Variants in AR observed in about 807,000 individuals in gnomAD.
The protein encoded by AR is dihydrotestosterone receptor.
In AR, 8 loss-of-function variants were observed where a neutral mutation model predicts 53.9. The ratio of observed to expected loss-of-function variants is 0.15; its 90% CI spans 0.09 to 0.27. The LOEUF (loss-of-function observed/expected upper bound fraction) is 0.27, where lower values mean the gene tolerates loss of function less well. AR is among the 10% of genes least tolerant of loss of function. AR has a pLI of 1.00. For missense variants in AR, 639 were observed against 742.5 expected, an observed-to-expected ratio of 0.86 and a Z score of 1.62; for synonymous variants, 359 against 316.4, an observed-to-expected ratio of 1.13 and a Z score of -1.43.
chrX:67,659,814 A>T (rs1926788599), intron 2 of AR, among the ~76,000 whole-genome samples: 1 of 111,727 alleles, frequency 9.0e-6, no homozygotes, highest in Non-Finnish European at 1.9e-5. Context: ...CAATGGTTCA[A>T]CTAGTTTACA....
rs1360484605 is a variant in AR, at chrX:67,582,025, C to T, written c.1616+35263C>T. Among the ~76,000 whole-genome samples, 6 of 111,338 alleles carry T rather than the reference C, an allele frequency of 5.4e-5. No homozygotes were observed. In the Admixed American group the frequency reaches 5.7e-4, roughly 11 times the overall value. Reference sequence around the variant, plus strand: ...CTCATTTGTTTGAAAGATCATCTGCCCAACATAAAAATGCATTTCTAATTC... The same window carrying T: ...CTCATTTGTTTGAAAGATCATCTGCTCAACATAAAAATGCATTTCTAATTC... On this transcript the variant is annotated intron_variant, in intron 1 of 7. Coordinates refer to ENST00000374690, the MANE Select transcript of AR (RefSeq NM_000044.6).
At chrX:67,723,353 T>TGTGTGTGTGTGTGTGA (rs2076144721) in intron 7 of AR, among the ~76,000 whole-genome samples, 3 of 95,015 alleles carry the variant, frequency 3.2e-5, no homozygotes, top group Admixed American at 1.1e-4. Flanking sequence ...TGTGTGTGTG[T>TGTGTGTGTGTGTGTGA]CAGAGAGAGA....
At chrX:67,551,208 C>G (rs1353354912) in intron 1 of AR, among the ~76,000 whole-genome samples, 2 of 109,644 alleles carry the variant, frequency 1.8e-5, no homozygotes, top group African/African-American at 6.7e-5. Flanking sequence ...CTCTGAGACA[C>G]TTCCCAGGTC....
chrX:67,616,564 A>G (rs1160536167), intron 1 of AR, among the ~76,000 whole-genome samples: 1 of 111,194 alleles, frequency 9.0e-6, no homozygotes, highest in African/African-American at 3.3e-5. Flanking sequence ...TCCATCGTGT[A>G]TATGTGCCAC....
chrX:67,654,380 T>C (rs1306499149), intron 2 of AR, among the ~76,000 whole-genome samples: 3 of 111,184 alleles, frequency 2.7e-5, no homozygotes, highest in Non-Finnish European at 5.7e-5. Context: ...TTCACTTCTC[T>C]TTAGAGTTAC....
chrX:67,730,532 T>C lies in AR; in HGVS notation c.*6691T>C, dbSNP rs534513528. On this transcript the variant is annotated 3_prime_UTR_variant, in exon 8 of 8. Transcript: ENST00000374690. Reference sequence around the variant, plus strand: ...CTGTTATGGCTGCAGGATCGAGTTATTGTTAACAAAGAGACCCAAGAAAAG... The same window carrying C: ...CTGTTATGGCTGCAGGATCGAGTTACTGTTAACAAAGAGACCCAAGAAAAG... 8.2e-5 allele frequency: 14 copies of C among 171,215 alleles called. No individual in the cohort carries two copies. The South Asian group carries it at 3.8e-3, about 47-fold the overall frequency. 14.1% of individuals were successfully genotyped at this position (171,215 alleles called of 1,213,427 possible).
intron 1 of AR, among the ~76,000 whole-genome samples, chrX:67,555,376 G>C (rs1265247849): frequency 9.0e-6 from 1 of 111,583 alleles, no homozygotes; most frequent in African/African-American, 3.3e-5. Context: ...TGGAGGAATG[G>C]GTTGAAATCT....
rs769862197 is a variant in AR at position 67,711,681 on chromosome X, C to T, written c.2165C>T (p.Ala722Val). The change falls in exon 4 of 8, where the codon GCC (alanine) becomes GTC (valine). Residue 722 changes from alanine to valine, a missense_variant. Physicochemically the swap from Ala to Val is moderately conservative, Grantham distance 64. Transcript: ENST00000374690. ...GTACACGTGGTCAAGTGGGCCAAGG[C>T]CTTGCCTGGTAAGGAAAAGGGAAGT... ...QLVHVVKWAKALPGFRNLHVD... is the reference protein window; with the variant it reads ...QLVHVVKWAKVLPGFRNLHVD... The T allele has an allele frequency of 8.3e-7, 1 of 1,203,268 alleles. No individual in the cohort carries two copies. Among genetic ancestry groups the T allele is most frequent in the Admixed American group, 2.2e-5 (1 of 45,189 alleles).
intron 2 of AR, among the ~76,000 whole-genome samples, chrX:67,647,877 G>A (rs1926129408): frequency 8.9e-6 from 1 of 111,834 alleles, no homozygotes; most frequent in Non-Finnish European, 1.9e-5. Context: ...AACTTTATGG[G>A]CACTGAAATT....
chrX:67,614,118 C>T (rs1004649860), intron 1 of AR, among the ~76,000 whole-genome samples: 1 of 111,866 alleles, frequency 8.9e-6, no homozygotes, highest in East Asian at 2.8e-4. Flanking sequence ...GAAAGGAGGC[C>T]TATGAGGTTA....
intron 1 of AR, among the ~76,000 whole-genome samples, chrX:67,632,682 T>C (rs1376042722): frequency 8.9e-6 from 1 of 112,388 alleles, no homozygotes; most frequent in African/African-American, 3.2e-5. Context: ...ATTGTTAAAT[T>C]GGACTTCATC....
chrX:67,564,031 G>A (rs189937823), intron 1 of AR, among the ~76,000 whole-genome samples: 1 of 111,849 alleles, frequency 8.9e-6, no homozygotes, highest in African/African-American at 3.2e-5. Flanking sequence ...GCAAATGGCA[G>A]GCAGCAGAAC....
intron 3 of AR, among the ~76,000 whole-genome samples, chrX:67,690,513 A>C (rs772710360): frequency 7.1e-5 from 8 of 112,168 alleles, no homozygotes; most frequent in African/African-American, 1.9e-4. Flanking sequence ...ATTACTATTC[A>C]TGGCATGGCT....
At position 67,545,184 on chromosome X, in the gene AR, G is replaced by A. The variant is rs1929639711; in HGVS notation, c.38G>A (p.Arg13Gln). The change falls in exon 1 of 8, where the codon CGG (arginine) becomes CAG (glutamine). Residue 13 changes from arginine to glutamine, a missense_variant. Physicochemically the swap from Arg to Gln is conservative, Grantham distance 43 (BLOSUM62 1). This residue lies in a region of AR where 55 missense variants were observed against 84.8 expected (regional missense o/e 0.65). Transcript: ENST00000374690. ...TTAGGGCTGGGAAGGGTCTACCCTC[G>A]GCCGCCGTCCAAGACCTACCGAGGA... ...VQLGLGRVYP[R>Q]PPSKTYRGAF... 4 of 1,204,122 alleles carry A rather than the reference G, an allele frequency of 3.3e-6. No individual in the cohort carries two copies.
intron 1 of AR, among the ~76,000 whole-genome samples, chrX:67,576,391 T>G (rs1054099001): frequency 1.8e-5 from 2 of 110,662 alleles, no homozygotes; most frequent in African/African-American, 6.6e-5. Context: ...ACTATACCTA[T>G]CTTCTGATGT....
At chrX:67,659,611 T>A (rs112797582) in intron 2 of AR, among the ~76,000 whole-genome samples, 1 of 111,594 alleles carries the variant, frequency 9.0e-6, no homozygotes, top group African/African-American at 3.3e-5. Flanking sequence ...TTAATCCAGT[T>A]TATCATTGAT....
intron 1 of AR, among the ~76,000 whole-genome samples, chrX:67,556,930 C>CAA (rs1921080261): frequency 9.0e-6 from 1 of 110,996 alleles, no homozygotes; most frequent in African/African-American, 3.3e-5. Flanking sequence ...GGATGGTAGA[C>CAA]AATGAGATCA....
At chrX:67,551,439 C>G (rs1257799665) in intron 1 of AR, among the ~76,000 whole-genome samples, 1 of 112,063 alleles carries the variant, frequency 8.9e-6, no homozygotes, top group Non-Finnish European at 1.9e-5. Context: ...TTAACCTTAT[C>G]TTAAACACAA....
intron 3 of AR, chrX:67,694,932 G>A (rs1003108637): frequency 1.2e-5 from 12 of 1,031,555 alleles, no homozygotes; most frequent in Middle Eastern, 4.0e-4. Flanking sequence ...TTGTGAGGAC[G>A]GGCTGTAGAA....
Sources: gnomAD v4.1 joint callset for allele counts (sites outside exome capture counted in the v4.1 genomes callset) on GRCh38, gnomAD v4.1.1 for gene constraint, gnomAD v4.1.1 regional missense constraint, MANE v1.5 for transcripts, NCBI Gene and HGNC (gene_info 2026-07-23, HGNC 2026-07-21) for gene names.